The following FNDC5 variants were observed in gnomAD, a reference collection of about 807,000 sequenced individuals.
The protein encoded by FNDC5 is fibronectin type III domain containing 5.
In FNDC5, 10 loss-of-function variants were observed where a neutral mutation model predicts 24.6. The observed-to-expected ratio is 0.41, with a 90% CI of 0.25 to 0.69. The LOEUF is 0.69. Among genes scored for constraint, FNDC5 ranks in the 30% least tolerant of loss-of-function variants. FNDC5 has a pLI of 0.34. For synonymous variants in FNDC5, 90 were observed against 110.7 expected (o/e 0.81, Z 1.18); for missense variants, 226 against 282.9 (o/e 0.80, Z 1.44).
chr1:32,863,056 A>G lies in FNDC5; in HGVS notation c.*1238T>C, dbSNP rs898308704. On this transcript the variant is annotated 3_prime_UTR_variant, in exon 6 of 6. Transcript: ENST00000373471. ...CTGTGATGTGACTTTTCAGTTGTCC[A>G]AGCTAGCATTTCTGAAACTCCAAGA... The G allele has an allele frequency of 6.6e-6, 1 of 152,658 alleles. No homozygotes were observed. Among genetic ancestry groups the G allele is most frequent in the Non-Finnish European group, 1.5e-5 (1 of 68,090 alleles). The allele number at this position is 152,658 out of a possible 1,614,324, so 9.5% of individuals were successfully genotyped here.
chr1:32,866,003 G>T (rs1641064213), intron 4 of FNDC5, among the ~76,000 whole-genome samples: 2 of 152,166 alleles, frequency 1.3e-5, no homozygotes, highest in African/African-American at 4.8e-5. Context: ...GCCAACTCCA[G>T]TCCTTCTAGG....
chr1:32,864,810 A>C lies in FNDC5; in HGVS notation c.500-13T>G, dbSNP rs1641039803. On this transcript the variant is annotated splice_polypyrimidine_tract_variant and intron_variant, in intron 4 of 5. Transcript: ENST00000373471. ...AGGGCAATGACACCTGAGGGGGGAC[A>C]AGTGAGCAGTCAGAGGCCAGAGCCT... 6.2e-7 allele frequency: 1 copy of C among 1,613,662 alleles called. No homozygotes were observed. Among genetic ancestry groups the C allele is most frequent in the Non-Finnish European group, 8.5e-7 (1 of 1,179,938 alleles).
At position 32,862,356 on chromosome 1, in the gene FNDC5, C is replaced by T. The variant is rs1640984486; in HGVS notation, c.*1938G>A. ...GGTAAGGACCTCTCCCCTAAGGAGC[C>T]TTGGCCTTGCAGCCCCATTCAGCAG... On this transcript the variant is annotated 3_prime_UTR_variant, in exon 6 of 6. Coordinates refer to ENST00000373471, the MANE Select transcript of FNDC5 (RefSeq NM_153756.3). The T allele has an allele frequency of 6.5e-6, 1 of 152,678 alleles. No individual in the cohort carries two copies. Among genetic ancestry groups the T allele is most frequent in the Non-Finnish European group, 1.5e-5 (1 of 68,060 alleles). The allele number at this position is 152,678 out of a possible 1,614,324, so 9.5% of individuals were successfully genotyped here.
intron 1 of FNDC5, among the ~76,000 whole-genome samples, 153 bp from the exon 2 acceptor site, chr1:32,869,150 C>T (rs1322273807): frequency 2.6e-5 from 4 of 152,256 alleles, no homozygotes; most frequent in East Asian, 1.9e-4. Flanking sequence ...ACATGGCTCT[C>T]AGCTCTTCAG....
rs543663669 is a variant in FNDC5, at chr1:32,868,834, A to G, written c.210+48T>C. On this transcript the variant is annotated intron_variant, in intron 2 of 5. Coordinates refer to ENST00000373471, the MANE Select transcript of FNDC5 (RefSeq NM_153756.3). The surrounding 1 kb of genome is among the most constrained non-coding windows in gnomAD (Gnocchi z 4.8). The stretch of plus-strand genomic sequence containing the variant: ...TGCCACACTCCTACCCCCATCTGCC[A>G]CTACTGTCTTGATGTGTCCTTCCCT... 1.7e-6 allele frequency: 2 copies of G among 1,179,008 alleles called. No homozygotes were observed. The highest frequency in any genetic ancestry group is 3.9e-5 in the South Asian group (1 of 25,552). 73.0% of individuals were successfully genotyped at this position (1,179,008 alleles called of 1,614,324 possible).
chr1:32,868,499 C>T lies in FNDC5; in HGVS notation c.211-111G>A, dbSNP rs1433795093. 2.1e-5 allele frequency: 25 copies of T among 1,170,590 alleles called. No individual in the cohort carries two copies. The highest frequency in any genetic ancestry group is 3.0e-5 in the Non-Finnish European group (25 of 838,106). The allele number at this position is 1,170,590 out of a possible 1,614,324, so 72.5% of individuals were successfully genotyped here. On this transcript the variant is annotated intron_variant, in intron 2 of 5. Transcript: ENST00000373471. The surrounding 1 kb of genome is among the most constrained non-coding windows in gnomAD (Gnocchi z 4.8). ...ATACACAATCTTCATCATTCCATCA[C>T]CTCCGCTATCAATATCTCCATTTTA...
intron 1 of FNDC5, among the ~76,000 whole-genome samples, 169 bp downstream of exon 1, chr1:32,870,484 G>T (rs1641159373): frequency 6.6e-6 from 1 of 151,922 alleles, no homozygotes; most frequent in Non-Finnish European, 1.5e-5. Flanking sequence ...CTGAAGGACA[G>T]GTCTGGGGGT....
chr1:32,867,805 C>T lies in FNDC5; in HGVS notation c.447G>A (p.Gln149=). 1 of 1,614,150 alleles carries T rather than the reference C, an allele frequency of 6.2e-7. No individual in the cohort carries two copies. Among genetic ancestry groups the T allele is most frequent in the Non-Finnish European group, 8.5e-7 (1 of 1,180,018 alleles). The change falls in exon 4 of 6, where the codon CAG becomes CAA. Residue 149 remains glutamine, a synonymous_variant. Transcript: ENST00000373471. The stretch of plus-strand genomic sequence containing the variant: ...TGATCAGCACCTCGCCTGTCCGCAG[C>T]TGTTGGTTCCTCCCCATCTCTTTCA...
In FNDC5 at chr1:32,870,646, C is replaced by T; in HGVS notation, c.94+7G>A. On this transcript the variant is annotated splice_region_variant and intron_variant, in intron 1 of 5. Transcript: ENST00000373471. Reference sequence around the variant, plus strand: ...CGGCGCCGGCCCCCCGCCCCGGGCCCCCTTACCCGCCTGCACCAGCGCGAA... The same window carrying T: ...CGGCGCCGGCCCCCCGCCCCGGGCCTCCTTACCCGCCTGCACCAGCGCGAA... The T allele has an allele frequency of 4.1e-6, 5 of 1,207,278 alleles. No individual in the cohort carries two copies. Among genetic ancestry groups the T allele is most frequent in the Non-Finnish European group, 5.1e-6 (5 of 971,968 alleles). 74.8% of individuals were successfully genotyped at this position (1,207,278 alleles called of 1,614,324 possible).
intron 1 of FNDC5, among the ~76,000 whole-genome samples, chr1:32,869,410 T>C (rs1054771467): frequency 7.9e-5 from 12 of 152,248 alleles, no homozygotes; most frequent in Non-Finnish European, 1.6e-4. Context: ...CTTTTGACAA[T>C]ACTGCCCTGT....
chr1:32,869,741 G>C (rs886103108), intron 1 of FNDC5, among the ~76,000 whole-genome samples: 1 of 152,102 alleles, frequency 6.6e-6, no homozygotes, highest in African/African-American at 2.4e-5. Context: ...GTGGGGGTGA[G>C]AGTGATAGGG....
chr1:32,869,439 C>G (rs142773183), intron 1 of FNDC5, among the ~76,000 whole-genome samples: 2 of 152,212 alleles, frequency 1.3e-5, no homozygotes, highest in Non-Finnish European at 2.9e-5. Flanking sequence ...TGACCTTGCG[C>G]GAAGGAGAAA....
intron 4 of FNDC5, among the ~76,000 whole-genome samples, chr1:32,866,201 C>T (rs1569989336): frequency 6.6e-6 from 1 of 150,762 alleles, no homozygotes; most frequent in East Asian, 1.9e-4. Flanking sequence ...TATATAAATA[C>T]TGTCTGTGCC....
Position 32,864,805 on chromosome 1 carries a change from G to A in FNDC5, c.500-8C>T. ...AGAAGAGGGCAATGACACCTGAGGGGGGACAAGTGAGCAGTCAGAGGCCAG... is the reference window on the plus strand; with the variant it reads ...AGAAGAGGGCAATGACACCTGAGGGAGGACAAGTGAGCAGTCAGAGGCCAG... On this transcript the variant is annotated splice_polypyrimidine_tract_variant and splice_region_variant and intron_variant, in intron 4 of 5. Transcript: ENST00000373471. 6.2e-7 allele frequency: 1 copy of A among 1,613,778 alleles called. No individual in the cohort carries two copies.
chr1:32,864,739 G>A lies in FNDC5; in HGVS notation c.558C>T (p.Asn186=), dbSNP rs934633233. 3.1e-6 allele frequency: 5 copies of A among 1,614,042 alleles called. No individual in the cohort carries two copies. The highest frequency in any genetic ancestry group is 2.5e-6 in the Non-Finnish European group (3 of 1,180,034). Residue 186 remains asparagine (N), a synonymous_variant, in exon 5 of 6, where the codon AAC becomes AAT. Coordinates refer to ENST00000373471, the MANE Select transcript of FNDC5 (RefSeq NM_153756.3). ...ATGCACTCTTGGTTTTTTCCTTGTT[G>A]TTATTGGGTTCATTGTCCTTGATGA...
chr1:32,867,961 T>A, intron 3 of FNDC5, 119 bp from the exon 4 acceptor site: 1 of 1,090,432 alleles, frequency 9.2e-7, no homozygotes, highest in South Asian at 1.4e-5. Context: ...ACATACATTC[T>A]AGAATGCACT....
Position 32,867,849 on chromosome 1 carries a change from GGA to G in FNDC5, c.410-9_410-8del, listed in dbSNP as rs370217730. 1 of 1,613,652 alleles carries G rather than the reference GGA, an allele frequency of 6.2e-7. No homozygotes were observed. The highest frequency in any genetic ancestry group is 8.5e-7 in the Non-Finnish European group (1 of 1,179,746). ...TCTTTCATGGTTACCTCATCTGCAG[GGA>G]GAGAGACACTAGATCCAGCACTCCT... On this transcript the variant is annotated splice_region_variant and splice_polypyrimidine_tract_variant and intron_variant, in intron 3 of 5. Coordinates refer to ENST00000373471, the MANE Select transcript of FNDC5 (RefSeq NM_153756.3).
chr1:32,870,797 CG>C lies in FNDC5; in HGVS notation c.-52del. The C allele has an allele frequency of 1.3e-6, 1 of 799,900 alleles. No individual in the cohort carries two copies. Among genetic ancestry groups the C allele is most frequent in the Non-Finnish European group, 1.5e-6 (1 of 663,998 alleles). The allele number at this position is 799,900 out of a possible 1,614,324, so 49.6% of individuals were successfully genotyped here. ...GGGGCGGCGCAGGGGGACGCGGCTC[CG>C]GCGCCCGGCGGCCGCTCGCGCTCGC... On this transcript the variant is annotated 5_prime_UTR_variant, in exon 1 of 6. Coordinates refer to ENST00000373471, the MANE Select transcript of FNDC5 (RefSeq NM_153756.3).
rs1251992033 is a variant in FNDC5, at chr1:32,870,714, G to A, written c.33C>T (p.Pro11=). ...ACAGGCGGAGCGCGGCGCGGGCGCG[G>A]GGCGGCCAGGCGCTCGGCGACCCGG... Residue 11 remains proline (P), a synonymous_variant, in exon 1 of 6, where the codon CCC becomes CCT. Transcript: ENST00000373471. 22 of 1,186,806 alleles carry A rather than the reference G, an allele frequency of 1.9e-5. No individual in the cohort carries two copies. Among genetic ancestry groups the A allele is most frequent in the Non-Finnish European group, 2.2e-5 (21 of 959,416 alleles). 73.5% of individuals were successfully genotyped at this position (1,186,806 alleles called of 1,614,324 possible). A position where few individuals can be genotyped will look rare whatever the true frequency, so the allele number is the denominator to read the frequency against.
Sources: allele counts gnomAD v4.1 joint callset (sites outside exome capture counted in the v4.1 genomes callset), GRCh38; gene constraint gnomAD v4.1.1; non-coding constraint Gnocchi (gnomAD v3.1); transcripts MANE v1.5; gene names NCBI Gene and HGNC (gene_info 2026-07-23, HGNC 2026-07-21).